The following SAMD4A variants were observed in gnomAD, a reference collection of about 807,000 sequenced individuals.
SAMD4A encodes the protein sterile alpha motif domain containing 4A.
In SAMD4A, 33 loss-of-function variants were observed where a neutral mutation model predicts 81.3. The ratio of observed to expected loss-of-function variants is 0.41; its 90% CI spans 0.31 to 0.54. The LOEUF (loss-of-function observed/expected upper bound fraction) is 0.54. Ranked by LOEUF, SAMD4A falls within the 20% of genes least tolerant of loss-of-function variation. SAMD4A has a pLI of 0.37. For missense variants in SAMD4A, 854 were observed against 951.1 expected (o/e 0.90, Z 1.34); for synonymous variants, 389 against 382.1 (o/e 1.02, Z -0.21).
Position 54,614,134 on chromosome 14 carries a change from G to C in SAMD4A, c.196+46022G>C, listed in dbSNP as rs1305809430. ...ATGCAGAAGGAGATATGAGAATCTA[G>C]CTGACTGCAATTAACAGATACATGA... On this transcript the variant is annotated intron_variant, in intron 2 of 12. Transcript: ENST00000554335. Among the ~76,000 whole-genome samples the C allele has an allele frequency of 4.6e-5, 7 of 152,188 alleles. 1 individual carries two copies. The highest frequency in any genetic ancestry group is 1.7e-4 in the African/African-American group (7 of 41,450).
chr14:54,626,051 TGTGTGTGTGC>T (rs1436364450), intron 2 of SAMD4A, among the ~76,000 whole-genome samples: 13 of 129,622 alleles, frequency 1.0e-4, no homozygotes, highest in South Asian at 7.0e-4. Flanking sequence ...TGTGTGTGTG[TGTGTGTGTGC>T]GCGCGCGCGC....
rs761934577 is a variant in SAMD4A at position 54,767,139 on chromosome 14, G to T, written c.1596+2599G>T. 9.9e-5 allele frequency among the ~76,000 whole-genome samples: 15 copies of T among 152,148 alleles called. 1 individual carries two copies. The highest frequency in any genetic ancestry group is 4.1e-4 in the South Asian group (2 of 4,822). ...AGGGCTTTTTATGATTTTACTTTGA[G>T]AGAGAGGAAAAGCTGTCTGAATAAT... is the stretch of plus-strand genomic sequence containing the variant. On this transcript the variant is annotated intron_variant, in intron 8 of 12. Transcript: ENST00000554335.
At chr14:54,682,140 G>T (rs1408387796) in intron 2 of SAMD4A, 1 of 837,212 alleles carries the variant, frequency 1.2e-6, no homozygotes, top group Non-Finnish European at 1.4e-6. Context: ...GGCCTTTAAT[G>T]TTTGGGATTG....
At chr14:54,722,090 G>A (rs1246419656) in intron 3 of SAMD4A, among the ~76,000 whole-genome samples, 1 of 152,176 alleles carries the variant, frequency 6.6e-6, no homozygotes, top group African/African-American at 2.4e-5. Context: ...AAGTATTAAT[G>A]GTGAAATAAG....
At chr14:54,779,289 A>G (rs2038940185) in intron 11 of SAMD4A, among the ~76,000 whole-genome samples, 1 of 152,240 alleles carries the variant, frequency 6.6e-6, no homozygotes, top group Admixed American at 6.5e-5. Context: ...GTACATGAAC[A>G]GGAGTAATAG....
intron 2 of SAMD4A, among the ~76,000 whole-genome samples, chr14:54,581,557 A>T (rs2033468717): frequency 6.6e-6 from 1 of 152,102 alleles, no homozygotes; most frequent in African/African-American, 2.4e-5. Context: ...CATTAAATGT[A>T]CTCTCTTCAA....
rs761590626 is a variant in SAMD4A, at chr14:54,568,120, T to C, written c.196+8T>C. 2.0e-6 allele frequency: 3 copies of C among 1,478,064 alleles called. No homozygotes were observed. The highest frequency in any genetic ancestry group is 2.6e-5 in the South Asian group (2 of 77,762). The allele number at this position is 1,478,064 out of a possible 1,614,324, so 91.6% of individuals were successfully genotyped here. A position where few individuals can be genotyped will look rare whatever the true frequency, so the allele number is the denominator to read the frequency against. On this transcript the variant is annotated splice_region_variant and intron_variant, in intron 2 of 12. Coordinates refer to ENST00000554335, the MANE Select transcript of SAMD4A (RefSeq NM_015589.6). ...GCGAGGCCAACAGCCCCGGTAAGTG[T>C]GCGGCGGCCGCCGCCGCCGTCCCGC...
At position 54,687,021 on chromosome 14, in the gene SAMD4A, G is replaced by T. The variant is rs149608570; in HGVS notation, c.197-15041G>T. On this transcript the variant is annotated intron_variant, in intron 2 of 12. Coordinates refer to ENST00000554335, the MANE Select transcript of SAMD4A (RefSeq NM_015589.6). ...AGTGGGATCTGTGCAGTGATTCATG[G>T]AGCTGACCCTGTGATAGGGGTTATA... Among the ~76,000 whole-genome samples, 13 of 139,974 alleles carry T rather than the reference G, an allele frequency of 9.3e-5. 1 individual carries two copies. The highest frequency in any genetic ancestry group is 2.7e-4 in the African/African-American group (11 of 40,312). 91.8% of individuals were successfully genotyped at this position (139,974 alleles called of 152,430 possible). A position where few individuals can be genotyped will look rare whatever the true frequency, so the allele number is the denominator to read the frequency against.
intron 2 of SAMD4A, among the ~76,000 whole-genome samples, chr14:54,654,162 T>C (rs2035468749): frequency 6.6e-6 from 1 of 152,218 alleles, no homozygotes; most frequent in South Asian, 2.1e-4. Context: ...CTATGACATA[T>C]AATACCCAAG....
intron 2 of SAMD4A, among the ~76,000 whole-genome samples, chr14:54,622,854 A>C (rs768514553): frequency 7.2e-5 from 11 of 152,186 alleles, no homozygotes; most frequent in Non-Finnish European, 1.5e-4. Flanking sequence ...CTCAGGCCCC[A>C]CCCTAGCCCT....
chr14:54,586,016 T>C (rs2033605549), intron 2 of SAMD4A, among the ~76,000 whole-genome samples: 1 of 152,186 alleles, frequency 6.6e-6, no homozygotes, highest in African/African-American at 2.4e-5. Context: ...ACCTGAACAC[T>C]GTTTTTCATA....
At chr14:54,593,008 A>G (rs900943720) in intron 2 of SAMD4A, among the ~76,000 whole-genome samples, 2 of 152,212 alleles carry the variant, frequency 1.3e-5, no homozygotes, top group African/African-American at 2.4e-5. Flanking sequence ...GTCTTAGAAA[A>G]CATGTTTTAT....
At chr14:54,786,788 T>C (rs2039152327) in intron 12 of SAMD4A, among the ~76,000 whole-genome samples, 1 of 152,268 alleles carries the variant, frequency 6.6e-6, no homozygotes, top group East Asian at 1.9e-4. Flanking sequence ...AGGTTTTCAT[T>C]GAAAAGACTT....
chr14:54,719,002 CAA>C (rs796869797), intron 3 of SAMD4A, among the ~76,000 whole-genome samples: 9 of 125,322 alleles, frequency 7.2e-5, no homozygotes, highest in Admixed American at 8.2e-5. Context: ...AACTCCATCT[CAA>C]AAAAAAAAAA....
At chr14:54,625,873 CG>C (rs2034732241) in intron 2 of SAMD4A, among the ~76,000 whole-genome samples, 1 of 152,070 alleles carries the variant, frequency 6.6e-6, no homozygotes, top group Admixed American at 6.5e-5. Flanking sequence ...TAAATTGTCC[CG>C]CTCTAATTTG....
At chr14:54,725,332 A>C (rs1034896314) in intron 3 of SAMD4A, among the ~76,000 whole-genome samples, 1 of 152,248 alleles carries the variant, frequency 6.6e-6, no homozygotes, top group African/African-American at 2.4e-5. Flanking sequence ...TAAAATACAC[A>C]TGAAATGTGG....
chr14:54,662,924 C>T (rs2035676115), intron 2 of SAMD4A, among the ~76,000 whole-genome samples: 6 of 152,192 alleles, frequency 3.9e-5, no homozygotes, highest in Admixed American at 3.9e-4. Flanking sequence ...CTGGGCTGCT[C>T]CCTGCACTGG....
chr14:54,788,982 C>T lies in SAMD4A; in HGVS notation c.*38C>T, dbSNP rs757264927. 6.2e-6 allele frequency: 10 copies of T among 1,610,568 alleles called. No homozygotes were observed. The highest frequency in any genetic ancestry group is 7.6e-6 in the Non-Finnish European group (9 of 1,176,856). On this transcript the variant is annotated 3_prime_UTR_variant, in exon 13 of 13. Coordinates refer to ENST00000554335, the MANE Select transcript of SAMD4A (RefSeq NM_015589.6). ...AGAGTGACCGCGCTGGCCGTGAAATCGACTGCTGCGGGTCCAGTGTCCGCC... is the reference window on the plus strand; with the variant it reads ...AGAGTGACCGCGCTGGCCGTGAAATTGACTGCTGCGGGTCCAGTGTCCGCC...
intron 2 of SAMD4A, among the ~76,000 whole-genome samples, chr14:54,621,319 C>G (rs56133056): frequency 0.18 from 27,499 of 152,070 alleles, 3,194 homozygotes; most frequent in African/African-American, 0.32. Context: ...AGACCACTCT[C>G]TATGTGTTTG....
Sources: allele counts gnomAD v4.1 joint callset (sites outside exome capture counted in the v4.1 genomes callset), GRCh38; gene constraint gnomAD v4.1.1; transcripts MANE v1.5; gene names NCBI Gene and HGNC (gene_info 2026-07-23, HGNC 2026-07-21).